ISM1: variants seen among roughly 807,000 people sequenced by gnomAD.
ISM1 encodes the protein isthmin-1.
Under a neutral mutation model 46.3 loss-of-function variants are expected in ISM1, and 25 were observed. The ratio of observed to expected loss-of-function variants is 0.54; its 90% CI spans 0.39 to 0.75. The LOEUF is 0.75. ISM1 is among the 30% of genes least tolerant of loss of function. The pLI is 0.00. For synonymous variants in ISM1, 255 were observed against 256.7 expected (o/e 0.99, Z 0.06); for missense variants, 536 against 625.4 (o/e 0.86, Z 1.52).
chr20:13,283,413 T>C (rs1458700288), intron 3 of ISM1, among the ~76,000 whole-genome samples: 1 of 152,166 alleles, frequency 6.6e-6, no homozygotes, highest in Non-Finnish European at 1.5e-5. Context: ...AGGAGGTAGA[T>C]CTCAGAGTTT....
chr20:13,265,783 C>T (rs552131146), intron 1 of ISM1, among the ~76,000 whole-genome samples: 12 of 152,254 alleles, frequency 7.9e-5, no homozygotes, highest in Admixed American at 6.5e-4. Flanking sequence ...CCCAAGAGGG[C>T]ACATTGCTAC....
At chr20:13,280,901 C>T (rs1165133231) in intron 3 of ISM1, among the ~76,000 whole-genome samples, 2 of 152,166 alleles carry the variant, frequency 1.3e-5, no homozygotes, top group African/African-American at 2.4e-5. Context: ...TACAAATGCA[C>T]CCATCGTCAT....
the ISM1 span, among the ~76,000 whole-genome samples, chr20:13,323,351 A>T: frequency 6.6e-6 from 1 of 152,196 alleles, no homozygotes; most frequent in Non-Finnish European, 1.5e-5. Context: ...GCAAGGCAAG[A>T]AAGTTGGAAT....
At chr20:13,230,097 G>A (rs555615803) in intron 1 of ISM1, among the ~76,000 whole-genome samples, 10 of 152,154 alleles carry the variant, frequency 6.6e-5, no homozygotes, top group African/African-American at 2.4e-4. Context: ...TTTGAGGTTT[G>A]GGGGCATCCT....
intron 2 of ISM1, among the ~76,000 whole-genome samples, chr20:13,272,199 T>C (rs1052218396): frequency 1.3e-5 from 2 of 152,212 alleles, no homozygotes; most frequent in Non-Finnish European, 2.9e-5. Context: ...GAACTTGGAC[T>C]CAGACCAATT....
the ISM1 span, among the ~76,000 whole-genome samples, chr20:13,306,588 C>T: frequency 1.3e-5 from 1 of 76,610 alleles, no homozygotes; most frequent in Non-Finnish European, 2.7e-5. Context: ...AAAAAAAAAG[C>T]AAAGAAAATA....
intron 2 of ISM1, 69 bp downstream of exon 2, chr20:13,270,812 T>C: frequency 6.9e-7 from 1 of 1,449,716 alleles, no homozygotes; most frequent in Non-Finnish European, 9.5e-7. Flanking sequence ...ATGATTCCAG[T>C]GGAAACTGCT....
chr20:13,262,761 C>T (rs961697932), intron 1 of ISM1, among the ~76,000 whole-genome samples: 1 of 152,096 alleles, frequency 6.6e-6, no homozygotes, highest in African/African-American at 2.4e-5. Flanking sequence ...GCCCCAAGAA[C>T]CTTCAATGAG....
At chr20:13,258,806 C>T (rs2039955281) in intron 1 of ISM1, among the ~76,000 whole-genome samples, 1 of 152,060 alleles carries the variant, frequency 6.6e-6, no homozygotes, top group Admixed American at 6.5e-5. Flanking sequence ...TCTGTTCTCC[C>T]CATAAGGACC....
chr20:13,254,234 AAAATAAAT>A (rs145810710), intron 1 of ISM1, among the ~76,000 whole-genome samples: 2 of 150,812 alleles, frequency 1.3e-5, no homozygotes, highest in African/African-American at 4.9e-5. Context: ...CTCCATCTCA[AAAATAAAT>A]AAATAAATAA....
At position 13,260,362 on chromosome 20, in the gene ISM1, T is replaced by G. The variant is rs184904294; in HGVS notation, c.139-10142T>G. On this transcript the variant is annotated intron_variant, in intron 1 of 5. Coordinates refer to ENST00000262487, the MANE Select transcript of ISM1 (RefSeq NM_080826.2). ...TCTCAGCTTCGAGTCTTTGAAAAACTGGCAATGAAGCTATTACCAAAAAAG... is the reference window on the plus strand; with the variant it reads ...TCTCAGCTTCGAGTCTTTGAAAAACGGGCAATGAAGCTATTACCAAAAAAG... Among the ~76,000 whole-genome samples the G allele has an allele frequency of 5.3e-5, 8 of 152,338 alleles. 1 individual carries two copies. Among genetic ancestry groups the G allele is most frequent in the African/African-American group, 1.9e-4 (8 of 41,560 alleles).
chr20:13,243,488 T>C (rs535393956), intron 1 of ISM1, among the ~76,000 whole-genome samples: 3 of 152,218 alleles, frequency 2.0e-5, no homozygotes, highest in Admixed American at 6.5e-5. Context: ...ATATGGCTTA[T>C]GCTTTTAAGA....
At chr20:13,296,577 C>T (rs532125749) in intron 5 of ISM1, among the ~76,000 whole-genome samples, 1 of 151,952 alleles carries the variant, frequency 6.6e-6, no homozygotes, top group African/African-American at 2.4e-5. Flanking sequence ...GTGGCATGAT[C>T]AGATAGTAGA....
rs1271069784 is a variant in ISM1 at position 13,270,611 on chromosome 20, C to G, written c.246C>G (p.Pro82=). Residue 82 remains proline, a synonymous_variant, in exon 2 of 6, where the codon CCC becomes CCG. Coordinates refer to ENST00000262487, the MANE Select transcript of ISM1 (RefSeq NM_080826.2). ...LDHQAAHQPF[P]RPRFRQETGH... ...ACCAGGCTGCACACCAACCCTTCCC[C>G]AGACCGCGATTCCGACAAGAGACGG... The G allele has an allele frequency of 6.2e-7, 1 of 1,614,036 alleles. No individual in the cohort carries two copies. Among genetic ancestry groups the G allele is most frequent in the South Asian group, 1.1e-5 (1 of 91,072 alleles).
chr20:13,269,636 G>C (rs1258238785), intron 1 of ISM1, among the ~76,000 whole-genome samples: 1 of 151,992 alleles, frequency 6.6e-6, no homozygotes, highest in Non-Finnish European at 1.5e-5. Context: ...ATTATGGCAG[G>C]GTGCCACCTT....
At chr20:13,239,268 C>T (rs2039689292) in intron 1 of ISM1, among the ~76,000 whole-genome samples, 1 of 152,212 alleles carries the variant, frequency 6.6e-6, no homozygotes, top group Non-Finnish European at 1.5e-5. Context: ...ACTCATTGCC[C>T]TGAAACTCTG....
intron 2 of ISM1, among the ~76,000 whole-genome samples, chr20:13,272,310 CA>C (rs1299678687): frequency 3.9e-5 from 6 of 152,162 alleles, no homozygotes; most frequent in African/African-American, 1.4e-4. Context: ...CTCTTAACAC[CA>C]GCATCATGGG....
At chr20:13,325,154 C>T in the ISM1 span, among the ~76,000 whole-genome samples, 4 of 152,142 alleles carry the variant, frequency 2.6e-5, no homozygotes, top group South Asian at 4.1e-4. Flanking sequence ...CAGGACAGCC[C>T]GACAAATGGG....
intron 1 of ISM1, among the ~76,000 whole-genome samples, chr20:13,260,347 G>C (rs143057539): frequency 1.8e-4 from 27 of 152,186 alleles, no homozygotes; most frequent in Non-Finnish European, 2.8e-4. Context: ...TCTCAGCTTC[G>C]AGTCTTTGAA....
Sources: gnomAD v4.1 joint callset for allele counts (sites outside exome capture counted in the v4.1 genomes callset) on GRCh38, gnomAD v4.1.1 for gene constraint, MANE v1.5 for transcripts, NCBI Gene and HGNC (gene_info 2026-07-23, HGNC 2026-07-21) for gene names.